TRAPPC9: variants seen among roughly 807,000 people sequenced by gnomAD.
TRAPPC9 encodes the protein trafficking protein particle complex subunit 9.
Under a neutral mutation model 124.0 loss-of-function variants are expected in TRAPPC9, and 83 were observed. The ratio of observed to expected loss-of-function variants is 0.67; its 90% CI spans 0.56 to 0.80. The LOEUF (loss-of-function observed/expected upper bound fraction) is 0.80. Among genes scored for constraint, TRAPPC9 ranks in the 30% least tolerant of loss-of-function variants. The probability of loss-of-function intolerance (pLI) is 0.00; values close to 1 mark genes in which losing one functional copy is unlikely to be tolerated. For missense variants in TRAPPC9, 1,302 were observed against 1,508.3 expected (o/e 0.86, Z 2.27); for synonymous variants, 638 against 617.5 (o/e 1.03, Z -0.49).
At chr8:139,980,550 AC>A (rs1836821200) in intron 19 of TRAPPC9, among the ~76,000 whole-genome samples, 3 of 152,240 alleles carry the variant, frequency 2.0e-5, no homozygotes, top group Non-Finnish European at 4.4e-5. Context: ...CCAGGAGGTA[AC>A]AGCACCATCA....
intron 21 of TRAPPC9, among the ~76,000 whole-genome samples, chr8:139,836,005 T>TC (rs1332163438): frequency 1.1e-4 from 13 of 122,636 alleles, no homozygotes; most frequent in Non-Finnish European, 1.5e-4. Flanking sequence ...GGGAAGCATT[T>TC]ATTTATTTAT....
intron 7 of TRAPPC9, among the ~76,000 whole-genome samples, chr8:140,380,295 G>C (rs1408988539): frequency 6.6e-6 from 1 of 152,192 alleles, no homozygotes; most frequent in African/African-American, 2.4e-5. Flanking sequence ...CCACAAGAGT[G>C]CCAATGGGGA....
intron 17 of TRAPPC9, among the ~76,000 whole-genome samples, chr8:140,089,425 T>G (rs1430187612): frequency 6.6e-6 from 1 of 152,194 alleles, no homozygotes; most frequent in Admixed American, 6.5e-5. Context: ...ACCAGATGCA[T>G]TAAGTCTGCA....
chr8:140,016,883 G>A (rs1194574305), intron 18 of TRAPPC9, among the ~76,000 whole-genome samples: 4 of 152,144 alleles, frequency 2.6e-5, no homozygotes, highest in African/African-American at 4.8e-5. Context: ...TTTCTAAAGT[G>A]GCTGCACCAG....
At chr8:139,793,973 C>A (rs546767853) in intron 21 of TRAPPC9, among the ~76,000 whole-genome samples, 37 of 152,180 alleles carry the variant, frequency 2.4e-4, no homozygotes, top group Non-Finnish European at 4.6e-4. Flanking sequence ...CACCTCCCGA[C>A]ACGGCCTCTG....
rs141370637 is a variant in TRAPPC9 at position 139,739,244 on chromosome 8, C to T, written c.3056-7042G>A. Among the ~76,000 whole-genome samples, 1,363 of 152,256 alleles carry T rather than the reference C, an allele frequency of 9.0e-3. 15 individuals are homozygous for T. The highest frequency in any genetic ancestry group is 0.014 in the Non-Finnish European group (956 of 68,018). ...TCTCCTCCCGGACACCCAGCCCCAGCCTGGGAAACGTCCGGTGCCCATGCA... is the reference window on the plus strand; with the variant it reads ...TCTCCTCCCGGACACCCAGCCCCAGTCTGGGAAACGTCCGGTGCCCATGCA... On this transcript the variant is annotated intron_variant, in intron 21 of 22. Transcript: ENST00000438773.
intron 18 of TRAPPC9, among the ~76,000 whole-genome samples, chr8:140,011,572 C>T (rs1839127937): frequency 7.2e-6 from 1 of 139,582 alleles, no homozygotes; most frequent in Non-Finnish European, 1.5e-5. Flanking sequence ...GGTACAATCT[C>T]GGCTCACTGC....
chr8:140,310,196 T>G (rs2066257464), intron 10 of TRAPPC9, among the ~76,000 whole-genome samples: 1 of 152,182 alleles, frequency 6.6e-6, no homozygotes, highest in Non-Finnish European at 1.5e-5. Flanking sequence ...GCTATCGGTT[T>G]TCTTCTTAAT....
chr8:139,787,488 C>T (rs766260335), intron 21 of TRAPPC9, among the ~76,000 whole-genome samples: 11 of 152,092 alleles, frequency 7.2e-5, no homozygotes, highest in South Asian at 2.1e-4. Flanking sequence ...AGGTGGGAAC[C>T]GGGCCTGCCT....
rs141177260 is a variant in TRAPPC9, at chr8:140,028,179, A to AT, written c.2557-4101dup. Reference sequence around the variant, plus strand: ...ATATGGTCTTATTAATAATAAGAACATAAGGGGAGCTGGGAAGTGGAAAGA... The same window carrying AT: ...ATATGGTCTTATTAATAATAAGAACATTAAGGGGAGCTGGGAAGTGGAAAGA... On this transcript the variant is annotated intron_variant, in intron 17 of 22. Coordinates refer to ENST00000438773, the MANE Select transcript of TRAPPC9 (RefSeq NM_001160372.4). Among the ~76,000 whole-genome samples the AT allele has an allele frequency of 7.0e-3, 1,069 of 152,254 alleles. 15 individuals are homozygous for AT. The highest frequency in any genetic ancestry group is 0.025 in the African/African-American group (1,027 of 41,548).
intron 17 of TRAPPC9, among the ~76,000 whole-genome samples, chr8:140,032,472 C>G (rs1468229585): frequency 1.3e-5 from 2 of 152,034 alleles, no homozygotes; most frequent in African/African-American, 4.8e-5. Context: ...ATGCTGTCCA[C>G]CTTTGTATGC....
At chr8:140,180,517 T>C (rs371139615) in intron 17 of TRAPPC9, among the ~76,000 whole-genome samples, 18 of 152,288 alleles carry the variant, frequency 1.2e-4, no homozygotes, top group African/African-American at 4.3e-4. Context: ...CTACCATTTC[T>C]AATACATTTC....
chr8:139,731,137 C>T lies in TRAPPC9; in HGVS notation c.3371G>A (p.Ser1124Asn). The T allele has an allele frequency of 1.2e-6, 2 of 1,614,004 alleles. No individual in the cohort carries two copies. The highest frequency in any genetic ancestry group is 1.7e-6 in the Non-Finnish European group (2 of 1,180,016). ...AGAGGGTGGCAGCTCCTTGCTGGTG[C>T]TGTCCTCGTGGAACCGGATGTGGAG... Reference protein sequence around the residue: ...FFLHIRFHEDSTSKELPPSWF... With the variant: ...FFLHIRFHEDNTSKELPPSWF... Residue 1124 changes from serine to asparagine, a missense_variant, in exon 23 of 23, where the codon AGC (serine) becomes AAC (asparagine). By Grantham distance (46) the Ser-to-Asn change is conservative. Around this residue, in one of 3 missense-constraint regions of TRAPPC9, gnomAD observed 640 missense variants for 679.3 expected, o/e 0.94. Coordinates refer to ENST00000438773, the MANE Select transcript of TRAPPC9 (RefSeq NM_001160372.4).
chr8:140,212,080 A>C (rs2063074930), intron 17 of TRAPPC9, among the ~76,000 whole-genome samples: 1 of 152,218 alleles, frequency 6.6e-6, no homozygotes, highest in South Asian at 2.1e-4. Flanking sequence ...GGAAGTGAGC[A>C]AGAAGGCCCA....
At chr8:140,049,725 C>T (rs10481411) in intron 17 of TRAPPC9, among the ~76,000 whole-genome samples, 13,058 of 152,192 alleles carry the variant, frequency 0.086, 683 homozygotes, top group Middle Eastern at 0.15. Flanking sequence ...GAAATGAAAG[C>T]GGATCTCTGA....
At chr8:140,401,171 T>C (rs2069251116) in intron 6 of TRAPPC9, among the ~76,000 whole-genome samples, 1 of 152,218 alleles carries the variant, frequency 6.6e-6, no homozygotes, top group African/African-American at 2.4e-5. Context: ...TCACTGCTAA[T>C]GAACATGCAG....
At chr8:140,019,186 T>C (rs1276644337) in intron 18 of TRAPPC9, among the ~76,000 whole-genome samples, 4 of 152,356 alleles carry the variant, frequency 2.6e-5, no homozygotes, top group African/African-American at 9.6e-5. Context: ...GTCCCTTTCA[T>C]ATATCACTGA....
intron 17 of TRAPPC9, among the ~76,000 whole-genome samples, chr8:140,177,988 G>A (rs1467715151): frequency 6.6e-6 from 1 of 151,960 alleles, no homozygotes; most frequent in African/African-American, 2.4e-5. Flanking sequence ...TTTGACTTTT[G>A]TATATTAATC....
intron 9 of TRAPPC9, among the ~76,000 whole-genome samples, chr8:140,328,778 C>T (rs535915928): frequency 2.3e-4 from 35 of 151,974 alleles, no homozygotes; most frequent in Middle Eastern, 3.4e-3. Flanking sequence ...TTAGCTATGA[C>T]CAAGGAGGCC....
Sources: gnomAD v4.1 joint callset for allele counts (sites outside exome capture counted in the v4.1 genomes callset) on GRCh38, gnomAD v4.1.1 for gene constraint, gnomAD v4.1.1 regional missense constraint, MANE v1.5 for transcripts, NCBI Gene and HGNC (gene_info 2026-07-23, HGNC 2026-07-21) for gene names.